SLC5A4: variants seen among roughly 807,000 people sequenced by gnomAD.
SLC5A4 encodes solute carrier family 5 member 4.
SLC5A4 carries 55 observed loss-of-function variants against 70.3 expected under a neutral mutation model. The observed-to-expected ratio is 0.78, with a 90% CI of 0.63 to 0.98. The LOEUF is 0.98. Ranked by LOEUF, SLC5A4 falls within the 50% of genes least tolerant of loss-of-function variation. The probability of loss-of-function intolerance (pLI) is 0.00; values close to 1 mark genes in which losing one functional copy is unlikely to be tolerated. For missense variants in SLC5A4, 735 were observed against 839.2 expected, an observed-to-expected ratio of 0.88 and a Z score of 1.53; for synonymous variants, 268 against 305.7, an observed-to-expected ratio of 0.88 and a Z score of 1.29.
the SLC5A4 span, chr22:32,272,091 C>T: frequency 3.1e-6 from 2 of 654,030 alleles, no homozygotes; most frequent in Non-Finnish European, 5.6e-6. Context: ...GAAGTGGGAG[C>T]TTGTGACCAG....
At chr22:32,267,447 C>G in the SLC5A4 span, among the ~76,000 whole-genome samples, 1 of 152,142 alleles carries the variant, frequency 6.6e-6, no homozygotes. Flanking sequence ...AATTTTAATA[C>G]AGAAAATGTT....
At chr22:32,300,597 G>T in the SLC5A4 span, among the ~76,000 whole-genome samples, 1 of 151,336 alleles carries the variant, frequency 6.6e-6, no homozygotes, top group Non-Finnish European at 1.5e-5. Context: ...ACCTCAGATG[G>T]AAATGCAGAA....
chr22:32,318,866 C>A, the SLC5A4 span, among the ~76,000 whole-genome samples: 1 of 152,186 alleles, frequency 6.6e-6, no homozygotes, highest in East Asian at 1.9e-4. Context: ...TCCACTCCAA[C>A]GGTAATGGTT....
the SLC5A4 span, among the ~76,000 whole-genome samples, chr22:32,336,612 T>C: frequency 8.5e-5 from 13 of 152,330 alleles, no homozygotes; most frequent in Non-Finnish European, 1.6e-4. Flanking sequence ...GTTTCCTTTC[T>C]CCTGACAGCT....
chr22:32,309,200 TAG>T, the SLC5A4 span, among the ~76,000 whole-genome samples: 1 of 152,090 alleles, frequency 6.6e-6, no homozygotes, highest in Non-Finnish European at 1.5e-5. Flanking sequence ...TGGTTCTGAA[TAG>T]AGATTCCAAA....
chr22:32,354,701 G>A, the SLC5A4 span, among the ~76,000 whole-genome samples: 2 of 151,674 alleles, frequency 1.3e-5, no homozygotes, highest in African/African-American at 4.9e-5. Context: ...ACTCCCCTCT[G>A]TGGGCAGTGA....
the SLC5A4 span, among the ~76,000 whole-genome samples, chr22:32,295,412 C>G: frequency 2.7e-5 from 3 of 111,050 alleles, 1 homozygote; most frequent in Non-Finnish European, 5.9e-5. Context: ...TATCTGATGG[C>G]CAGTGATGAT....
chr22:32,233,045 AACGTG>A lies in SLC5A4; in HGVS notation c.886-16_886-12del, dbSNP rs1298648104. The stretch of plus-strand genomic sequence containing the variant: ...GCGCTGCACAATGACCTGCCGGGAG[AACGTG>A]ACACACTCATGAAACAAGCCAGGGG... On this transcript the variant is annotated splice_polypyrimidine_tract_variant and intron_variant, in intron 8 of 14. Coordinates refer to ENST00000266086, the MANE Select transcript of SLC5A4 (RefSeq NM_014227.3). 6.2e-7 allele frequency: 1 copy of A among 1,610,514 alleles called. No homozygotes were observed. Among genetic ancestry groups the A allele is most frequent in the South Asian group, 1.1e-5 (1 of 90,534 alleles).
At chr22:32,254,073 A>G (rs1365132151) in intron 2 of SLC5A4, 69 bp downstream of exon 2, 7 of 1,236,198 alleles carry the variant, frequency 5.7e-6, no homozygotes, top group Non-Finnish European at 8.4e-6. Context: ...GAGACACCGC[A>G]CCCAGCCTAC....
chr22:32,329,661 GGTGTGTGTGTGTTGGGGGCTCTGGTGT>G, the SLC5A4 span, among the ~76,000 whole-genome samples: 9 of 58,780 alleles, frequency 1.5e-4, no homozygotes, highest in Non-Finnish European at 2.8e-4. Context: ...TGGGGGCTCT[GGTGTGTGTGTGTTGGGGGCTCTGGTGT>G]GTGTGTGTTG....
chr22:32,313,724 T>C, the SLC5A4 span, among the ~76,000 whole-genome samples: 5 of 152,192 alleles, frequency 3.3e-5, no homozygotes, highest in East Asian at 3.9e-4. Context: ...CACAACTACT[T>C]ACCTTCCCAG....
the SLC5A4 span, among the ~76,000 whole-genome samples, chr22:32,311,911 T>C: frequency 0.038 from 5,711 of 152,238 alleles, 337 homozygotes; most frequent in African/African-American, 0.13. Context: ...GCCTGGACTT[T>C]GGGTTCCTGC....
At chr22:32,308,568 A>C in the SLC5A4 span, among the ~76,000 whole-genome samples, 177 of 152,306 alleles carry the variant, frequency 1.2e-3, 1 homozygote, top group African/African-American at 4.1e-3. Flanking sequence ...CTGGCCAAAG[A>C]AGCCTGTTAA....
chr22:32,329,677 G>A, the SLC5A4 span, among the ~76,000 whole-genome samples: 4 of 70,900 alleles, frequency 5.6e-5, no homozygotes, highest in South Asian at 6.3e-4. Context: ...TGTGTGTTGG[G>A]GGCTCTGGTG....
At chr22:32,313,118 T>TA in the SLC5A4 span, among the ~76,000 whole-genome samples, 1 of 152,200 alleles carries the variant, frequency 6.6e-6, no homozygotes, top group East Asian at 1.9e-4. Context: ...GTGGATAACT[T>TA]ACATAGAAAA....
In SLC5A4 at chr22:32,248,808, A is replaced by G. The variant is rs1411856536; in HGVS notation, c.313-6T>C. On this transcript the variant is annotated splice_region_variant and splice_polypyrimidine_tract_variant and intron_variant, in intron 3 of 14. Transcript: ENST00000266086. ...ATCAGCAACATTACTGAGGACTACA[A>G]GGAACCAAAATAAGAGACAGTGAGA... The G allele has an allele frequency of 1.9e-6, 3 of 1,603,140 alleles. No homozygotes were observed. Among genetic ancestry groups the G allele is most frequent in the East Asian group, 4.5e-5 (2 of 44,852 alleles).
chr22:32,275,542 T>C, the SLC5A4 span, among the ~76,000 whole-genome samples: 1 of 152,232 alleles, frequency 6.6e-6, no homozygotes, highest in Non-Finnish European at 1.5e-5. Context: ...ACAAAGGACA[T>C]GAACTCATCA....
the SLC5A4 span, among the ~76,000 whole-genome samples, chr22:32,279,306 A>G: frequency 4.6e-3 from 695 of 152,336 alleles, 8 homozygotes; most frequent in African/African-American, 0.016. Context: ...AACAACCAAA[A>G]GAACTTGCTG....
At chr22:32,327,263 C>T in the SLC5A4 span, 26,219 of 152,280 alleles carry the variant, frequency 0.17, 2,661 homozygotes, top group Middle Eastern at 0.23. Flanking sequence ...CGTGGTATGT[C>T]CACACAATGC....
Sources: allele counts gnomAD v4.1 joint callset (sites outside exome capture counted in the v4.1 genomes callset), GRCh38; gene constraint gnomAD v4.1.1; transcripts MANE v1.5; gene names NCBI Gene and HGNC (gene_info 2026-07-23, HGNC 2026-07-21).